LDLRAD3: variants seen among roughly 807,000 people sequenced by gnomAD.
LDLRAD3 encodes low-density lipoprotein receptor class A domain-containing protein 3.
LDLRAD3 carries 20 observed loss-of-function variants against 29.4 expected under a neutral mutation model. The observed-to-expected ratio is 0.68, with a 90% CI of 0.48 to 0.99. The LOEUF (loss-of-function observed/expected upper bound fraction) is 0.99. LDLRAD3 is among the 50% of genes least tolerant of loss of function. The pLI, the probability that LDLRAD3 is intolerant of heterozygous loss-of-function variation, is 0.00. For synonymous variants in LDLRAD3, 157 were observed against 192.7 expected, an observed-to-expected ratio of 0.81 and a Z score of 1.53; for missense variants, 420 against 454.3, an observed-to-expected ratio of 0.92 and a Z score of 0.69.
At chr11:35,975,513 A>G (rs985270653) in intron 1 of LDLRAD3, among the ~76,000 whole-genome samples, 1 of 152,120 alleles carries the variant, frequency 6.6e-6, no homozygotes, top group African/African-American at 2.4e-5. Flanking sequence ...TCCTTAAGTC[A>G]ATTTTGTTAC....
intron 4 of LDLRAD3, among the ~76,000 whole-genome samples, chr11:36,143,883 CA>C (rs1431703535): frequency 1.3e-5 from 2 of 152,002 alleles, no homozygotes; most frequent in African/African-American, 4.8e-5. Context: ...AATGCAGTCG[CA>C]TTCTAAAGTG....
At chr11:36,112,692 C>T (rs1404460041) in intron 4 of LDLRAD3, among the ~76,000 whole-genome samples, 2 of 152,194 alleles carry the variant, frequency 1.3e-5, no homozygotes, top group Non-Finnish European at 2.9e-5. Flanking sequence ...GCAAATCATT[C>T]CGTAGGATAG....
chr11:36,035,372 C>A (rs262453), intron 1 of LDLRAD3, among the ~76,000 whole-genome samples: 112,759 of 151,820 alleles, frequency 0.74, 42,951 homozygotes, highest in East Asian at 0.92. Flanking sequence ...GGTGTTCTCT[C>A]TTTGCTTTCT....
In LDLRAD3 at chr11:36,137,791, C is replaced by T. The variant is rs186485036; in HGVS notation, c.454+39330C>T. On this transcript the variant is annotated intron_variant, in intron 4 of 5. Coordinates refer to ENST00000315571, the MANE Select transcript of LDLRAD3 (RefSeq NM_174902.4). ...TCCTAAACCACTTCTTGAAAAACGC[C>T]GTTGCTGCCGCTCTTCCCTGCTGCA... Among the ~76,000 whole-genome samples, 35 of 152,276 alleles carry T rather than the reference C, an allele frequency of 2.3e-4. No homozygotes were observed. The East Asian group carries it at 4.6e-3, about 20-fold the overall frequency.
chr11:36,069,563 C>T (rs1226882728), intron 2 of LDLRAD3, among the ~76,000 whole-genome samples: 2 of 151,756 alleles, frequency 1.3e-5, no homozygotes. Context: ...TTGATTAGCC[C>T]TTGTCATTCT....
At chr11:36,076,619 C>T (rs1384850985) in intron 2 of LDLRAD3, among the ~76,000 whole-genome samples, 2 of 152,164 alleles carry the variant, frequency 1.3e-5, no homozygotes, top group African/African-American at 4.8e-5. Flanking sequence ...AACTCCTGAC[C>T]TTGTGATCCA....
chr11:35,960,601 G>C (rs1444849726), intron 1 of LDLRAD3, among the ~76,000 whole-genome samples: 1 of 151,970 alleles, frequency 6.6e-6, no homozygotes, highest in Non-Finnish European at 1.5e-5. Context: ...GTTTTGTTTT[G>C]TTTGTTTATT....
At chr11:36,018,130 T>G (rs1480597064) in intron 1 of LDLRAD3, among the ~76,000 whole-genome samples, 1 of 152,244 alleles carries the variant, frequency 6.6e-6, no homozygotes. Context: ...TTCAACACTG[T>G]CTTGCCCCGT....
chr11:36,225,051 C>T (rs1565316411), intron 4 of LDLRAD3, among the ~76,000 whole-genome samples: 1 of 152,178 alleles, frequency 6.6e-6, no homozygotes. Context: ...CCATCCTACT[C>T]TCTGGGGATA....
At chr11:36,047,834 G>A (rs1166624735) in intron 2 of LDLRAD3, among the ~76,000 whole-genome samples, 1 of 152,158 alleles carries the variant, frequency 6.6e-6, no homozygotes, top group African/African-American at 2.4e-5. Context: ...ACAGCAGCTG[G>A]CACAGAGGAA....
chr11:36,011,946 G>A (rs1223478082), intron 1 of LDLRAD3, among the ~76,000 whole-genome samples: 3 of 152,192 alleles, frequency 2.0e-5, no homozygotes, highest in African/African-American at 4.8e-5. Flanking sequence ...TGACTTCATA[G>A]TCTAACTGCA....
intron 4 of LDLRAD3, among the ~76,000 whole-genome samples, chr11:36,154,160 C>T (rs775577794): frequency 3.9e-5 from 6 of 152,174 alleles, no homozygotes; most frequent in African/African-American, 9.7e-5. Context: ...AATGTTCTCT[C>T]GCATTCTGGC....
chr11:36,206,854 G>A (rs568372432), intron 4 of LDLRAD3, among the ~76,000 whole-genome samples: 1 of 151,534 alleles, frequency 6.6e-6, no homozygotes, highest in South Asian at 2.1e-4. Flanking sequence ...AGCCTCACGA[G>A]TAGCTGGATT....
In LDLRAD3 at chr11:35,984,818, C is replaced by T. The variant is rs551284601; in HGVS notation, c.46+40674C>T. Among the ~76,000 whole-genome samples, 399 of 151,868 alleles carry T rather than the reference C, an allele frequency of 2.6e-3. 2 individuals are homozygous for T. Among genetic ancestry groups the T allele is most frequent in the Middle Eastern group, 6.8e-3 (2 of 294 alleles). ...GGCTAATTTGTATTTTTAGTAGAGA[C>T]GGGGTTTCTCCATGTTGGTCAGGCT... On this transcript the variant is annotated intron_variant, in intron 1 of 5. Transcript: ENST00000315571.
intron 4 of LDLRAD3, among the ~76,000 whole-genome samples, chr11:36,130,258 G>A (rs1295342062): frequency 6.6e-6 from 1 of 152,210 alleles, no homozygotes; most frequent in Non-Finnish European, 1.5e-5. Flanking sequence ...ATAAGACCCT[G>A]AAGAGAAGAG....
intron 1 of LDLRAD3, among the ~76,000 whole-genome samples, chr11:36,000,086 A>G (rs181330910): frequency 8.2e-4 from 125 of 152,306 alleles, no homozygotes; most frequent in African/African-American, 3.0e-3. Context: ...ATCGATGCAG[A>G]TAAATCTCTA....
intron 2 of LDLRAD3, among the ~76,000 whole-genome samples, chr11:36,077,293 T>C (rs1853029129): frequency 6.6e-6 from 1 of 152,218 alleles, no homozygotes; most frequent in Admixed American, 6.5e-5. Flanking sequence ...GTATGTTTTC[T>C]TATACCCCTT....
chr11:36,092,325 C>CAT (rs753616560), intron 3 of LDLRAD3, among the ~76,000 whole-genome samples: 5 of 151,892 alleles, frequency 3.3e-5, no homozygotes, highest in Non-Finnish European at 7.4e-5. Flanking sequence ...TAAATTTATG[C>CAT]ATATATATGG....
intron 4 of LDLRAD3, among the ~76,000 whole-genome samples, chr11:36,153,130 G>A (rs1003344737): frequency 6.6e-6 from 1 of 151,982 alleles, no homozygotes; most frequent in African/African-American, 2.4e-5. Context: ...ACACTTAATG[G>A]CTTCGGGTTC....
Sources: allele counts gnomAD v4.1 joint callset (sites outside exome capture counted in the v4.1 genomes callset), GRCh38; gene constraint gnomAD v4.1.1; transcripts MANE v1.5; gene names NCBI Gene and HGNC (gene_info 2026-07-23, HGNC 2026-07-21).